SRPX2: variants seen among roughly 807,000 people sequenced by gnomAD.
SRPX2 encodes sushi repeat-containing protein SRPX2.
A neutral mutation model predicts 45.3 loss-of-function variants in SRPX2; 26 were observed. The observed-to-expected ratio is 0.57, with a 90% CI of 0.42 to 0.80. The LOEUF is 0.80. SRPX2 is among the 30% of genes least tolerant of loss of function. SRPX2 has a pLI of 0.00. For missense variants in SRPX2, 355 were observed against 399.8 expected (o/e 0.89, Z 0.95); for synonymous variants, 125 against 143.7 (o/e 0.87, Z 0.93).
At position 100,646,308 on chromosome X, in the gene SRPX2, T is replaced by C; in HGVS notation, c.-15T>C. 1 of 1,205,545 alleles carries C rather than the reference T, an allele frequency of 8.3e-7. No homozygotes were observed. Among genetic ancestry groups the C allele is most frequent in the Non-Finnish European group, 1.1e-6 (1 of 890,598 alleles). ...TATACATCTTTTCTTGTCTCCATAA[T>C]CCTCCCTTTCAAGGATGGCCAGTCA... On this transcript the variant is annotated 5_prime_UTR_variant, in exon 2 of 11. Coordinates refer to ENST00000373004, the MANE Select transcript of SRPX2 (RefSeq NM_014467.3).
Position 100,662,354 on chromosome X carries a change from T to C in SRPX2, c.342T>C (p.Thr114=). The change falls in exon 4 of 11, where the codon ACT becomes ACC. Residue 114 remains threonine (T), a synonymous_variant. Coordinates refer to ENST00000373004, the MANE Select transcript of SRPX2 (RefSeq NM_014467.3). ...QCLPSRRWSG[T]AYCRQMRCHA... ...TGCCAAGCCGTCGTTGGTCTGGAAC[T>C]GCCTACTGCAGGCGTAAGTTGTGTG... The C allele has an allele frequency of 8.3e-7, 1 of 1,211,754 alleles. No homozygotes were observed. The highest frequency in any genetic ancestry group is 1.1e-6 in the Non-Finnish European group (1 of 895,683).
In SRPX2 at chrX:100,665,256, C is replaced by T; in HGVS notation, c.546C>T (p.Pro182=). ...TCATCTTGGCAGACATAGATCCCCC[C>T]AAGATCCGCTGTCCCCACTCACGTG... ...GEPVCVDIDP[P]KIRCPHSREK... is the part of the protein sequence containing the mutation. Residue 182 remains proline, a synonymous_variant, in exon 6 of 11, where the codon CCC becomes CCT. Transcript: ENST00000373004. 2.5e-6 allele frequency: 3 copies of T among 1,210,081 alleles called. No homozygotes were observed. The highest frequency in any genetic ancestry group is 3.4e-6 in the Non-Finnish European group (3 of 894,753).
chrX:100,666,525 T>C (rs2083205014), intron 7 of SRPX2, among the ~76,000 whole-genome samples: 1 of 112,559 alleles, frequency 8.9e-6, no homozygotes, highest in African/African-American at 3.2e-5. Flanking sequence ...GATAACAACA[T>C]GTATATTCAC....
rs2083207894 is a variant in SRPX2 at position 100,667,314 on chromosome X, C to A, written c.1002C>A (p.Leu334=). The A allele has an allele frequency of 8.3e-7, 1 of 1,209,790 alleles. No homozygotes were observed. Among genetic ancestry groups the A allele is most frequent in the Non-Finnish European group, 1.1e-6 (1 of 895,139 alleles). Residue 334 remains leucine, a synonymous_variant, in exon 9 of 11, where the codon CTC becomes CTA. Transcript: ENST00000373004. The part of the protein sequence containing the change: ...INVNVNSAAG[L]LDQFYEKQRL... ...TCAACGTCAACTCAGCTGCTGGTCT[C>A]TTGGATCAATTCTATGAGAAACAGC...
Position 100,665,315 on chromosome X carries a change from G to C in SRPX2, c.605G>C (p.Arg202Pro), listed in dbSNP as rs200784551. ...KMAEPEKLTA[R>P]VYWDPPLVKD... Reference sequence around the variant, plus strand: ...GCAGAGCCAGAGAAATTGACTGCTCGAGTATACTGGGACCCACCGTTGGTG... The same window carrying C: ...GCAGAGCCAGAGAAATTGACTGCTCCAGTATACTGGGACCCACCGTTGGTG... Residue 202 changes from arginine to proline, a missense_variant, in exon 6 of 11, where the codon CGA (arginine) becomes CCA (proline). Physicochemically the swap from Arg to Pro is moderately radical, Grantham distance 103. Coordinates refer to ENST00000373004, the MANE Select transcript of SRPX2 (RefSeq NM_014467.3). The C allele has an allele frequency of 3.3e-6, 4 of 1,209,950 alleles. No individual in the cohort carries two copies. In the South Asian group the frequency reaches 7.1e-5, roughly 21 times the overall value.
At chrX:100,661,135 C>T (rs943195634) in intron 3 of SRPX2, 2 of 112,201 alleles carry the variant, frequency 1.8e-5, no homozygotes, top group Non-Finnish European at 3.8e-5. Flanking sequence ...TCCAGTTTCT[C>T]TCCATCTTCA....
At chrX:100,649,549 G>A (rs1354990049) in intron 2 of SRPX2, 8 of 111,942 alleles carry the variant, frequency 7.1e-5, no homozygotes, top group African/African-American at 2.6e-4. Context: ...AACCAACGAG[G>A]ACATGATTTC....
intron 7 of SRPX2, 76 bp downstream of exon 7, chrX:100,665,733 C>A: frequency 8.4e-7 from 1 of 1,185,412 alleles, no homozygotes; most frequent in Non-Finnish European, 1.1e-6. Context: ...TCTCTCCTCT[C>A]TATGCCTGGA....
intron 3 of SRPX2, among the ~76,000 whole-genome samples, chrX:100,661,933 G>GTT (rs771852530): frequency 0.013 from 801 of 59,692 alleles, 60 homozygotes; most frequent in African/African-American, 0.022. Flanking sequence ...TCGAGGTGGG[G>GTT]TTTTTTTTTT....
chrX:100,657,351 T>TTTTTTTTTTTTTTTTTTTTTTTTTTG, intron 3 of SRPX2, among the ~76,000 whole-genome samples: 1 of 36,713 alleles, frequency 2.7e-5, no homozygotes, highest in Non-Finnish European at 5.9e-5. Flanking sequence ...ATTTATGTCT[T>TTTTTTTTTTTTTTTTTTTTTTTTTTG]TTTTTTTTTT....
intron 9 of SRPX2, among the ~76,000 whole-genome samples, chrX:100,667,942 G>A (rs1277372743): frequency 9.0e-6 from 1 of 111,683 alleles, no homozygotes; most frequent in Non-Finnish European, 1.9e-5. Flanking sequence ...TGGTGGAGCT[G>A]GGATTGAACA....
intron 2 of SRPX2, among the ~76,000 whole-genome samples, chrX:100,648,240 A>G (rs1342705107): frequency 8.9e-6 from 1 of 112,752 alleles, no homozygotes; most frequent in Non-Finnish European, 1.9e-5. Flanking sequence ...CAGCCCAGAA[A>G]GTCAGACTGT....
At chrX:100,668,556 T>C (rs749684166) in intron 9 of SRPX2, among the ~76,000 whole-genome samples, 5 of 110,804 alleles carry the variant, frequency 4.5e-5, no homozygotes, top group African/African-American at 1.6e-4. Context: ...CGGGGAGTAT[T>C]CAAGGCCTCT....
intron 9 of SRPX2, among the ~76,000 whole-genome samples, chrX:100,667,658 C>T (rs1040095189): frequency 8.9e-6 from 1 of 112,319 alleles, no homozygotes; most frequent in African/African-American, 3.2e-5. Context: ...GGGAGTGTGG[C>T]AAAGCACTCT....
chrX:100,657,633 G>A (rs927582825), intron 3 of SRPX2, among the ~76,000 whole-genome samples: 5 of 110,351 alleles, frequency 4.5e-5, no homozygotes, highest in Admixed American at 2.9e-4. Flanking sequence ...TTACAGGCAT[G>A]AGCCACTGTG....
intron 4 of SRPX2, among the ~76,000 whole-genome samples, chrX:100,662,870 G>A (rs1042571311): frequency 2.7e-5 from 3 of 111,828 alleles, no homozygotes; most frequent in Non-Finnish European, 3.8e-5. Flanking sequence ...TCCAAATCAC[G>A]TCCCCCTTCA....
At position 100,662,889 on chromosome X, in the gene SRPX2, A is replaced by G. The variant is rs188831476; in HGVS notation, c.355+522A>G. Among the ~76,000 whole-genome samples, 35 of 111,919 alleles carry G rather than the reference A, an allele frequency of 3.1e-4. No individual in the cohort carries two copies. In the East Asian group the frequency reaches 9.3e-3, roughly 30 times the overall value. ...AATCACGTCCCCCTTCAGCTTCCAA[A>G]TCTCTACCTCTTACTCAAGTTCCAT... On this transcript the variant is annotated intron_variant, in intron 4 of 10. Transcript: ENST00000373004.
chrX:100,649,092 G>C (rs753091219), intron 2 of SRPX2: 2 of 112,602 alleles, frequency 1.8e-5, no homozygotes, highest in Non-Finnish European at 3.8e-5. Context: ...TATGAGCTGA[G>C]AGATGTTAGC....
At chrX:100,665,100 C>T in intron 5 of SRPX2, 143 bp from the exon 6 acceptor site, 2 of 1,062,206 alleles carry the variant, frequency 1.9e-6, no homozygotes, top group Non-Finnish European at 1.3e-6. Flanking sequence ...GATCTTCTCC[C>T]CTGAAGTTGC....
Sources: gnomAD v4.1 joint callset for allele counts (sites outside exome capture counted in the v4.1 genomes callset) on GRCh38, gnomAD v4.1.1 for gene constraint, MANE v1.5 for transcripts, NCBI Gene and HGNC (gene_info 2026-07-23, HGNC 2026-07-21) for gene names.